KIF12: variants seen among roughly 807,000 people sequenced by gnomAD.
KIF12 encodes the protein kinesin-like protein KIF12.
In KIF12, 80 loss-of-function variants were observed where a neutral mutation model predicts 87.9. The observed-to-expected ratio is 0.91, with a 90% CI of 0.76 to 1.10. The LOEUF is 1.10. Ranked by LOEUF, KIF12 falls within the 50% of genes least tolerant of loss-of-function variation. The probability of loss-of-function intolerance (pLI) is 0.00; values close to 1 mark genes in which losing one functional copy is unlikely to be tolerated. For synonymous variants in KIF12, 353 were observed against 348.5 expected (o/e 1.01, Z -0.14); for missense variants, 819 against 865.3 (o/e 0.95, Z 0.67).
chr9:114,096,501 G>C, intron 7 of KIF12, 23 bp from the exon 8 acceptor site: 1 of 1,571,876 alleles, frequency 6.4e-7, no homozygotes, highest in South Asian at 1.1e-5. Flanking sequence ...AACATCAGGA[G>C]CTGGACCTGG....
rs1342082192 is a variant in KIF12, at chr9:114,098,414, C to T, written c.187G>A (p.Gly63Arg). 6 of 1,508,326 alleles carry T rather than the reference C, an allele frequency of 4.0e-6. No homozygotes were observed. Among genetic ancestry groups the T allele is most frequent in the East Asian group, 5.3e-5 (2 of 37,668 alleles). The allele number at this position is 1,508,326 out of a possible 1,614,324, so 93.4% of individuals were successfully genotyped here. ...TRTLQVSPPG[G>R]GPEVAFRFGA... is the part of the protein sequence containing the mutation. ...AAGCGGAACGCCACTTCTGGACCCC[C>T]GCCTGGAGGACTCACCTGGCGCGGG... Residue 63 changes from glycine to arginine, a missense_variant, in exon 4 of 19, where the codon GGG becomes AGG. Gly to Arg is a moderately radical substitution (Grantham distance 125, BLOSUM62 -2). Transcript: ENST00000640217.
At position 114,098,445 on chromosome 9, in the gene KIF12, C is replaced by CAGAGGAGCGGGGCACTCT; in HGVS notation, c.172-17_172-16insAGAGTGCCCCGCTCCTCT. 8.0e-7 allele frequency: 1 copy of CAGAGGAGCGGGGCACTCT among 1,251,408 alleles called. No individual in the cohort carries two copies. Among genetic ancestry groups the CAGAGGAGCGGGGCACTCT allele is most frequent in the Non-Finnish European group, 1.0e-6 (1 of 965,710 alleles). 77.5% of individuals were successfully genotyped at this position (1,251,408 alleles called of 1,614,324 possible). ...GAGGACTCACCTGGCGCGGGTGGGG[C>CAGAGGAGCGGGGCACTCT]GGAGGAGCGGGGCACTCTGGAGGAG... is the stretch of plus-strand genomic sequence containing the variant. On this transcript the variant is annotated splice_polypyrimidine_tract_variant and intron_variant, in intron 3 of 18. Transcript: ENST00000640217.
At position 114,093,275 on chromosome 9, in the gene KIF12, G is replaced by A. The variant is rs761072141; in HGVS notation, c.1550C>T (p.Pro517Leu). The stretch of plus-strand genomic sequence containing the variant: ...TGGCAGGCAGGCCCAGTGGGCCAGG[G>A]GCACTCGACACAGTGGGCAGATGTG... The part of the protein sequence containing the change: ...CCHICPLCRV[P>L]LAHWACLPGE... Residue 517 changes from proline to leucine, a missense_variant, in exon 16 of 19, where the codon CCC (proline) becomes CTC (leucine). Physicochemically the swap from Pro to Leu is moderately conservative, Grantham distance 98. Coordinates refer to ENST00000640217, the MANE Select transcript of KIF12 (RefSeq NM_001388308.1). 12 of 1,559,434 alleles carry A rather than the reference G, an allele frequency of 7.7e-6. No homozygotes were observed. In the East Asian group the frequency reaches 1.4e-4, roughly 19 times the overall value.
rs1847351748 is a variant in KIF12, at chr9:114,098,680, G to A, written c.172-251C>T. On this transcript the variant is annotated intron_variant, in intron 3 of 18. Coordinates refer to ENST00000640217, the MANE Select transcript of KIF12 (RefSeq NM_001388308.1). ...GGGGAGGGTAGGACACCCTGGAGGG[G>A]CGGGGCATTCTGGGGGGGGCGGGCA... Among the ~76,000 whole-genome samples the A allele has an allele frequency of 1.7e-5, 2 of 115,756 alleles. 1 individual carries two copies. The highest frequency in any genetic ancestry group is 6.6e-4 in the South Asian group (2 of 3,050). The allele number at this position is 115,756 out of a possible 152,430, so 75.9% of individuals were successfully genotyped here. A position where few individuals can be genotyped will look rare whatever the true frequency, so the allele number is the denominator to read the frequency against.
At position 114,097,639 on chromosome 9, in the gene KIF12, G is replaced by A; in HGVS notation, c.478C>T (p.Arg160Cys). 1 of 1,611,432 alleles carries A rather than the reference G, an allele frequency of 6.2e-7. No individual in the cohort carries two copies. Reference protein sequence around the residue: ...VQHLGAPVTLRASYLEIYNEQ... With the variant: ...VQHLGAPVTLCASYLEIYNEQ... ...TTGTAGATCTCCAGATAAGAGGCGC[G>A]AAGGGTGACAGGGGCACCCAGGTGC... Residue 160 changes from arginine to cysteine, a missense_variant, in exon 6 of 19, where the codon CGC becomes TGC. By Grantham distance (180) the Arg-to-Cys change is radical. Transcript: ENST00000640217.
intron 13 of KIF12, 77 bp from the exon 14 acceptor site, chr9:114,094,049 G>T: frequency 6.9e-7 from 1 of 1,455,590 alleles, no homozygotes; most frequent in Non-Finnish European, 9.6e-7. Context: ...CCTCATTGCA[G>T]CATAGCACCA....
rs1456903720 is a variant in KIF12, at chr9:114,099,198, C to T, written c.27-29G>A. Reference sequence around the variant, plus strand: ...TGGGCAGCAATGCGACTTATCATACCTGCACCTAGCGGCTGTTCAGGACTC... The same window carrying T: ...TGGGCAGCAATGCGACTTATCATACTTGCACCTAGCGGCTGTTCAGGACTC... On this transcript the variant is annotated intron_variant, in intron 1 of 18. Transcript: ENST00000640217. 1.9e-6 allele frequency: 3 copies of T among 1,551,076 alleles called. No homozygotes were observed. The South Asian group carries it at 3.6e-5, about 18-fold the overall frequency.
chr9:114,097,620 A>T lies in KIF12; in HGVS notation c.497T>A (p.Ile166Asn). 6.2e-7 allele frequency: 1 copy of T among 1,614,024 alleles called. No homozygotes were observed. Among genetic ancestry groups the T allele is most frequent in the East Asian group, 2.2e-5 (1 of 44,844 alleles). The change falls in exon 6 of 19, where the codon ATC becomes AAC. Residue 166 changes from isoleucine to asparagine, a missense_variant. Physicochemically the swap from Ile to Asn is moderately radical, Grantham distance 149. Transcript: ENST00000640217. Reference protein sequence around the residue: ...PVTLRASYLEIYNEQVRDLLS... With the variant: ...PVTLRASYLENYNEQVRDLLS... The stretch of plus-strand genomic sequence containing the variant: ...TCATTCCCTTACCTGCTCATTGTAG[A>T]TCTCCAGATAAGAGGCGCGAAGGGT...
chr9:114,096,007 C>G (rs749846256), intron 9 of KIF12, 44 bp downstream of exon 9: 2 of 1,575,364 alleles, frequency 1.3e-6, no homozygotes, highest in Non-Finnish European at 1.7e-6. Context: ...GAGCCAGGCA[C>G]AGAGGAGAGA....
intron 7 of KIF12, 48 bp downstream of exon 7, chr9:114,097,253 G>T: frequency 6.3e-7 from 1 of 1,589,244 alleles, no homozygotes; most frequent in East Asian, 2.3e-5. Context: ...GTGAACAACT[G>T]AGGAATGGGC....
chr9:114,092,667 C>G (rs1847044434), intron 16 of KIF12, 25 bp from the exon 17 acceptor site: 3 of 1,557,882 alleles, frequency 1.9e-6, no homozygotes, highest in Non-Finnish European at 1.7e-6. Context: ...AGAGTCCACT[C>G]TGGGTGACCT....
At chr9:114,099,059 C>T (rs1047849241) in intron 2 of KIF12, 45 bp downstream of exon 2, 2 of 1,550,446 alleles carry the variant, frequency 1.3e-6, no homozygotes, top group South Asian at 1.2e-5. Context: ...ATGTCTTCCT[C>T]GATCCTTGTC....
At chr9:114,092,675 C>T in intron 16 of KIF12, 33 bp from the exon 17 acceptor site, 1 of 1,550,128 alleles carries the variant, frequency 6.5e-7, no homozygotes, top group Non-Finnish European at 8.7e-7. Context: ...CTCTGGGTGA[C>T]CTCAGTCCTG....
chr9:114,098,010 G>T, intron 5 of KIF12, 105 bp downstream of exon 5: 1 of 1,181,672 alleles, frequency 8.5e-7, no homozygotes, highest in Non-Finnish European at 1.2e-6. Context: ...GTCAGGCGGC[G>T]TCGTCCCAGC....
chr9:114,092,281 A>G, intron 18 of KIF12, 52 bp downstream of exon 18: 2 of 1,501,438 alleles, frequency 1.3e-6, no homozygotes, highest in Non-Finnish European at 1.8e-6. Flanking sequence ...GGTGGGTTCT[A>G]CCCCAAGATC....
At position 114,097,795 on chromosome 9, in the gene KIF12, T is replaced by C. The variant is rs2134907794; in HGVS notation, c.376-54A>G. 3 of 1,563,062 alleles carry C rather than the reference T, an allele frequency of 1.9e-6. No homozygotes were observed. In the South Asian group the frequency reaches 3.5e-5, roughly 18 times the overall value. On this transcript the variant is annotated intron_variant, in intron 5 of 18. Transcript: ENST00000640217. ...CATCTCCACAGTAATAACTACCCTC[T>C]GTAGCGCATGTATGATACCGTGCGC...
chr9:114,096,304 A>C (rs1157292427), intron 8 of KIF12, 83 bp downstream of exon 8: 5 of 1,597,824 alleles, frequency 3.1e-6, no homozygotes, highest in African/African-American at 2.7e-5. Flanking sequence ...ACCCCCATGC[A>C]CACCCAAGTT....
At position 114,098,383 on chromosome 9, in the gene KIF12, G is replaced by A; in HGVS notation, c.218C>T (p.Ala73Val). Reference sequence around the variant, plus strand: ...CTGCGTGCGCGCCGCGTCTAGCACCGCACCGAAGCGGAACGCCACTTCTGG... The same window carrying A: ...CTGCGTGCGCGCCGCGTCTAGCACCACACCGAAGCGGAACGCCACTTCTGG... ...GGPEVAFRFG[A>V]VLDAARTQED... is the part of the protein sequence containing the mutation. The change falls in exon 4 of 19, where the codon GCG becomes GTG. Residue 73 changes from alanine (A) to valine (V), a missense_variant. Transcript: ENST00000640217. 4.6e-6 allele frequency: 7 copies of A among 1,513,264 alleles called. No homozygotes were observed. The highest frequency in any genetic ancestry group is 5.3e-6 in the Non-Finnish European group (6 of 1,136,618). 93.7% of individuals were successfully genotyped at this position (1,513,264 alleles called of 1,614,324 possible). A position where few individuals can be genotyped will look rare whatever the true frequency, so the allele number is the denominator to read the frequency against.
chr9:114,097,648 CA>C lies in KIF12; in HGVS notation c.468del (p.Val157SerfsTer19), dbSNP rs1847291162. On this transcript the variant is annotated frameshift_variant, in exon 6 of 19. Transcript: ENST00000640217. LOFTEE classifies it high-confidence loss of function. Reference sequence around the variant, plus strand: ...TCCAGATAAGAGGCGCGAAGGGTGACAGGGGCACCCAGGTGCTGCACGCGGT... The same window carrying C: ...TCCAGATAAGAGGCGCGAAGGGTGACGGGGCACCCAGGTGCTGCACGCGGT... Reference protein sequence around the residue: ...LLDRVQHLGAPVTLRASYLEI... With the variant: ...LLDRVQHLGAXVTLRASYLEI... 6.2e-7 allele frequency: 1 copy of C among 1,613,174 alleles called. No homozygotes were observed. Among genetic ancestry groups the C allele is most frequent in the Non-Finnish European group, 8.5e-7 (1 of 1,179,712 alleles).
Sources: allele counts gnomAD v4.1 joint callset (sites outside exome capture counted in the v4.1 genomes callset), GRCh38; gene constraint gnomAD v4.1.1; transcripts MANE v1.5; gene names NCBI Gene and HGNC (gene_info 2026-07-23, HGNC 2026-07-21).